The following TTC7A variants were observed in gnomAD, a reference collection of about 807,000 sequenced individuals.
TTC7A encodes the protein tetratricopeptide repeat protein 7A.
TTC7A carries 110 observed loss-of-function variants against 103.7 expected under a neutral mutation model. The ratio of observed to expected loss-of-function variants is 1.06; its 90% CI spans 0.91 to 1.24. The LOEUF (loss-of-function observed/expected upper bound fraction) is 1.24, where lower values mean the gene tolerates loss of function less well. TTC7A is among the 50% of genes most tolerant of loss of function. The pLI is 0.00. For missense variants in TTC7A, 1,340 were observed against 1,116.3 expected, an observed-to-expected ratio of 1.20 and a Z score of -2.86; for synonymous variants, 521 against 467.9, an observed-to-expected ratio of 1.11 and a Z score of -1.47.
At chr2:47,038,629 T>TCCCCCCCCCCCCCC (rs1558612925) in intron 15 of TTC7A, among the ~76,000 whole-genome samples, 2 of 86,940 alleles carry the variant, frequency 2.3e-5, no homozygotes, top group African/African-American at 9.0e-5. Flanking sequence ...TGCTGCCACT[T>TCCCCCCCCCCCCCC]CCCACCCACC....
At chr2:46,994,184 G>C in intron 6 of TTC7A, 173 bp from the exon 7 acceptor site, 1 of 697,410 alleles carries the variant, frequency 1.4e-6, no homozygotes, top group Admixed American at 2.5e-5. Flanking sequence ...CGCCAGTGTT[G>C]GAGGGACTGA....
intron 9 of TTC7A, 99 bp downstream of exon 9, chr2:47,006,158 C>A: frequency 1.4e-5 from 21 of 1,480,932 alleles, no homozygotes; most frequent in Non-Finnish European, 1.7e-5. Context: ...TGTCATTCCC[C>A]TGCCAGGCTG....
rs1675841260 is a variant in TTC7A, at chr2:46,993,538, GGT to G, written c.843+12_843+13del. 4 of 1,613,670 alleles carry G rather than the reference GGT, an allele frequency of 2.5e-6. No homozygotes were observed. The highest frequency in any genetic ancestry group is 1.3e-5 in the African/African-American group (1 of 74,892). On this transcript the variant is annotated intron_variant, in intron 6 of 19. Coordinates refer to ENST00000319190, the MANE Select transcript of TTC7A (RefSeq NM_020458.4). ...TCAGAACTTCAAAGTGGTAATGTGG[GGT>G]GCTGGCAGTGCTGGCTTATTTAGGA... is the stretch of plus-strand genomic sequence containing the variant.
At chr2:47,049,187 C>A (rs938378338) in intron 16 of TTC7A, among the ~76,000 whole-genome samples, 2 of 152,202 alleles carry the variant, frequency 1.3e-5, no homozygotes, top group African/African-American at 2.4e-5. Flanking sequence ...TGCTTCTATT[C>A]TCTAAGTTTC....
At chr2:47,002,490 G>A (rs1676922677) in intron 8 of TTC7A, among the ~76,000 whole-genome samples, 1 of 152,148 alleles carries the variant, frequency 6.6e-6, no homozygotes, top group Admixed American at 6.5e-5. Flanking sequence ...CACTTCAATG[G>A]TGGAAGGGAA....
intron 13 of TTC7A, among the ~76,000 whole-genome samples, chr2:47,023,874 C>G (rs1679574467): frequency 6.6e-6 from 1 of 151,422 alleles, no homozygotes; most frequent in Non-Finnish European, 1.5e-5. Context: ...CCACCCACCC[C>G]TTCCACCATC....
intron 1 of TTC7A, among the ~76,000 whole-genome samples, chr2:46,947,206 T>C (rs2103942988): frequency 6.6e-6 from 1 of 152,310 alleles, no homozygotes; most frequent in Non-Finnish European, 1.5e-5. Flanking sequence ...GTTTTATTAT[T>C]GTTACTGGCT....
chr2:46,957,036 C>A, intron 3 of TTC7A, 29 bp downstream of exon 3: 1 of 1,613,820 alleles, frequency 6.2e-7, no homozygotes, highest in Non-Finnish European at 8.5e-7. Flanking sequence ...CTGGGCTCCC[C>A]TCCACTGTGT....
At chr2:46,974,952 G>T in intron 3 of TTC7A, 21 bp from the exon 4 acceptor site, 1 of 1,611,774 alleles carries the variant, frequency 6.2e-7, no homozygotes, top group South Asian at 1.1e-5. Flanking sequence ...ACAGGTCTGA[G>T]GCACCCTCTT....
chr2:46,948,370 C>A (rs771155085), intron 1 of TTC7A, among the ~76,000 whole-genome samples: 1 of 152,146 alleles, frequency 6.6e-6, no homozygotes. Flanking sequence ...TTTTGATGTA[C>A]GTTGCCAAAT....
At position 46,933,420 on chromosome 2, in the gene TTC7A, A is replaced by G. The variant is rs560716192; in HGVS notation, c.82+16143A>G. 1.2e-4 allele frequency among the ~76,000 whole-genome samples: 18 copies of G among 152,370 alleles called. No individual in the cohort carries two copies. The South Asian group carries it at 3.7e-3, about 32-fold the overall frequency. On this transcript the variant is annotated intron_variant, in intron 2 of 20. Transcript: ENST00000409245. ...CTGAGTGTCTACTATGTGCAAGCAC[A>G]AAGAATTCATGATTCTGAAGCTTGC... is the stretch of plus-strand genomic sequence containing the variant.
intron 15 of TTC7A, among the ~76,000 whole-genome samples, chr2:47,041,427 C>G (rs781230267): frequency 6.6e-5 from 10 of 152,156 alleles, no homozygotes; most frequent in Non-Finnish European, 1.5e-4. Context: ...GCCGGGCTGG[C>G]TGCACACTGA....
chr2:47,073,900 T>TC lies in TTC7A; in HGVS notation c.2556dup (p.Ile853HisfsTer77), dbSNP rs1684997998. On this transcript the variant is annotated frameshift_variant, in exon 20 of 20. Transcript: ENST00000319190. LOFTEE classifies it high-confidence loss of function. ...GGCCAGCAGCCCTGTACTGCCCTTC[T>TC]CCATCATCCCCAGAGAGCTCTGACG... is the stretch of plus-strand genomic sequence containing the variant. 1 of 1,612,732 alleles carries TC rather than the reference T, an allele frequency of 6.2e-7. No individual in the cohort carries two copies. Among genetic ancestry groups the TC allele is most frequent in the African/African-American group, 1.3e-5 (1 of 75,012 alleles).
intron 8 of TTC7A, among the ~76,000 whole-genome samples, chr2:46,999,212 C>T (rs961849248): frequency 1.3e-5 from 2 of 152,030 alleles, no homozygotes; most frequent in Non-Finnish European, 2.9e-5. Flanking sequence ...CCCATTCATT[C>T]ATCCGTCTAC....
At chr2:46,959,537 C>T (rs1672194421) in intron 3 of TTC7A, among the ~76,000 whole-genome samples, 2 of 152,102 alleles carry the variant, frequency 1.3e-5, no homozygotes, top group African/African-American at 2.4e-5. Flanking sequence ...CAGTGTGGAG[C>T]GGTTCCAACA....
chr2:47,010,309 A>G (rs1278171992), intron 10 of TTC7A, among the ~76,000 whole-genome samples: 1 of 152,254 alleles, frequency 6.6e-6, no homozygotes, highest in Non-Finnish European at 1.5e-5. Flanking sequence ...AATGTAATGC[A>G]CATGGCTGTG....
At chr2:46,993,796 A>T (rs895024474) in intron 6 of TTC7A, among the ~76,000 whole-genome samples, 3 of 152,114 alleles carry the variant, frequency 2.0e-5, no homozygotes, top group Non-Finnish European at 4.4e-5. Flanking sequence ...TGTGTTGACA[A>T]ACTTGCTACC....
At chr2:47,026,953 A>C (rs958326909) in intron 14 of TTC7A, among the ~76,000 whole-genome samples, 7 of 152,172 alleles carry the variant, frequency 4.6e-5, no homozygotes, top group African/African-American at 1.7e-4. Context: ...TGTCAGCCAC[A>C]CATCAGATTC....
intron 2 of TTC7A, among the ~76,000 whole-genome samples, chr2:46,951,367 C>G (rs561941395): frequency 3.7e-4 from 57 of 152,216 alleles, no homozygotes; most frequent in African/African-American, 1.2e-3. Flanking sequence ...ACAAGCTCTC[C>G]TGGGTGATTC....
Sources: gnomAD v4.1 joint callset for allele counts (sites outside exome capture counted in the v4.1 genomes callset) on GRCh38, gnomAD v4.1.1 for gene constraint, MANE v1.5 for transcripts, NCBI Gene and HGNC (gene_info 2026-07-23, HGNC 2026-07-21) for gene names.